ESR1: variants seen among roughly 807,000 people sequenced by gnomAD.
The protein encoded by ESR1 is estrogen receptor.
Under a neutral mutation model 52.7 loss-of-function variants are expected in ESR1, and 12 were observed. The ratio of observed to expected loss-of-function variants is 0.23; its 90% CI spans 0.15 to 0.37. ESR1 has a LOEUF of 0.37. ESR1 is among the 10% of genes least tolerant of loss of function. ESR1 has a pLI of 1.00. For synonymous variants in ESR1, 305 were observed against 316.8 expected, an observed-to-expected ratio of 0.96 and a Z score of 0.39; for missense variants, 584 against 779.7, an observed-to-expected ratio of 0.75 and a Z score of 2.99.
chr6:151,878,393 G>T (rs940643293), intron 2 of ESR1, among the ~76,000 whole-genome samples: 17 of 152,182 alleles, frequency 1.1e-4, no homozygotes, highest in African/African-American at 4.1e-4. Context: ...TGACTAGTTT[G>T]CTGGTTTCTG....
intron 2 of ESR1, among the ~76,000 whole-genome samples, chr6:151,859,028 A>T (rs1323140603): frequency 6.6e-6 from 1 of 152,198 alleles, no homozygotes; most frequent in Non-Finnish European, 1.5e-5. Context: ...AGGAGTAGTC[A>T]CTGTGCAGCT....
At chr6:151,901,274 C>G (rs1255798772) in intron 3 of ESR1, among the ~76,000 whole-genome samples, 1 of 152,214 alleles carries the variant, frequency 6.6e-6, no homozygotes. Context: ...ACCCCCAAAA[C>G]CGGTCTCACT....
chr6:151,777,178 T>G (rs1019128049), intron 2 of ESR1, among the ~76,000 whole-genome samples: 4 of 151,056 alleles, frequency 2.6e-5, no homozygotes, highest in African/African-American at 4.9e-5. Context: ...AGTGTAGTAG[T>G]GTGATCTCGG....
At chr6:152,029,621 C>A (rs927621267) in intron 5 of ESR1, among the ~76,000 whole-genome samples, 1 of 152,142 alleles carries the variant, frequency 6.6e-6, no homozygotes, top group African/African-American at 2.4e-5. Context: ...AACAAAGCCT[C>A]CAAGAAATAT....
At chr6:151,686,651 G>A (rs111355556), upstream of ESR1, among the ~76,000 whole-genome samples, 41 of 152,230 alleles carry the variant, frequency 2.7e-4, 1 homozygote, top group South Asian at 3.1e-3. Flanking sequence ...TGGCGCCACT[G>A]CACTCCAGCC....
intron 2 of ESR1, among the ~76,000 whole-genome samples, chr6:151,792,600 C>T (rs1365346186): frequency 1.3e-5 from 2 of 151,952 alleles, no homozygotes; most frequent in African/African-American, 4.8e-5. Context: ...CTACTGCACC[C>T]AGCTAATTTT....
intron 5 of ESR1, among the ~76,000 whole-genome samples, chr6:152,045,219 A>C (rs2046132316): frequency 6.6e-6 from 1 of 152,174 alleles, no homozygotes; most frequent in Non-Finnish European, 1.5e-5. Context: ...AAGAAGATGC[A>C]AGAGCAGTGG....
intron 5 of ESR1, among the ~76,000 whole-genome samples, chr6:152,013,786 C>G (rs529385017): frequency 1.1e-4 from 17 of 152,304 alleles, no homozygotes; most frequent in African/African-American, 4.1e-4. Flanking sequence ...TTCATTCCTA[C>G]TTTCTAAAAC....
At chr6:151,956,863 A>ATAAAT (rs1175773832) in intron 4 of ESR1, among the ~76,000 whole-genome samples, 13 of 53,900 alleles carry the variant, frequency 2.4e-4, no homozygotes, top group African/African-American at 6.2e-4. Context: ...TATATATATA[A>ATAAAT]ATATATATAT....
intron 4 of ESR1, among the ~76,000 whole-genome samples, chr6:151,962,095 C>T (rs2037738629): frequency 6.6e-6 from 1 of 152,078 alleles, no homozygotes. Flanking sequence ...GGAGTAGGAT[C>T]CACTAGCTTG....
chr6:151,800,955 A>C (rs1777175783), upstream of ESR1, among the ~76,000 whole-genome samples: 1 of 152,060 alleles, frequency 6.6e-6, no homozygotes, highest in Admixed American at 6.6e-5. Flanking sequence ...AAAGGCTGAA[A>C]ATGCTAAACT....
chr6:151,970,124 G>A (rs1161268020), intron 4 of ESR1, among the ~76,000 whole-genome samples: 1 of 152,034 alleles, frequency 6.6e-6, no homozygotes, highest in Non-Finnish European at 1.5e-5. Flanking sequence ...GATGATGACA[G>A]CTGACCCTTT....
chr6:151,986,164 A>G (rs1446516773), intron 4 of ESR1, among the ~76,000 whole-genome samples: 2 of 152,150 alleles, frequency 1.3e-5, no homozygotes, highest in East Asian at 1.9e-4. Context: ...CTTCATCTTC[A>G]TAACGGGGCC....
intron 2 of ESR1, among the ~76,000 whole-genome samples, chr6:151,769,113 A>T (rs1371410938): frequency 6.6e-6 from 1 of 152,196 alleles, no homozygotes; most frequent in Non-Finnish European, 1.5e-5. Context: ...TGACTTACGT[A>T]TTTAGGTAGA....
intron 4 of ESR1, among the ~76,000 whole-genome samples, chr6:151,948,557 C>T (rs2035970880): frequency 1.3e-5 from 2 of 152,072 alleles, no homozygotes; most frequent in South Asian, 4.1e-4. Context: ...TCACCTTAAC[C>T]ACTTCCTCAT....
chr6:152,052,928 A>G (rs1334090515), intron 5 of ESR1, among the ~76,000 whole-genome samples: 1 of 152,178 alleles, frequency 6.6e-6, no homozygotes, highest in Non-Finnish European at 1.5e-5. Context: ...GGACATTGCT[A>G]AGGAGTTTGT....
intron 2 of ESR1, among the ~76,000 whole-genome samples, chr6:151,844,574 G>C (rs936446510): frequency 1.3e-5 from 2 of 152,180 alleles, no homozygotes; most frequent in East Asian, 3.8e-4. Flanking sequence ...ATTATAGCCT[G>C]TAAGGTGACC....
At chr6:152,086,647 G>C (rs13201080) in intron 6 of ESR1, among the ~76,000 whole-genome samples, 16,945 of 150,334 alleles carry the variant, frequency 0.11, 1,198 homozygotes, top group East Asian at 0.33. Flanking sequence ...ATTATACCAA[G>C]TTGAAAAATG....
At chr6:151,688,625 GA>G (rs541884309), upstream of ESR1, among the ~76,000 whole-genome samples, 13 of 145,644 alleles carry the variant, frequency 8.9e-5, no homozygotes, top group African/African-American at 2.3e-4. Context: ...CATACTAGGG[GA>G]AAAAAAAAAG....
Sources: gnomAD v4.1 joint callset for allele counts (sites outside exome capture counted in the v4.1 genomes callset) on GRCh38, gnomAD v4.1.1 for gene constraint, MANE v1.5 for transcripts, NCBI Gene and HGNC (gene_info 2026-07-23, HGNC 2026-07-21) for gene names.